Variants in MED28 observed in about 807,000 individuals in gnomAD.
MED28 encodes the protein mediator complex subunit 28.
In MED28, 26 loss-of-function variants were observed where a neutral mutation model predicts 21.3. The ratio of observed to expected loss-of-function variants is 1.22; its 90% CI spans 0.89 to 1.69. The LOEUF (loss-of-function observed/expected upper bound fraction) is 1.69. Among genes scored for constraint, MED28 ranks in the 40% most tolerant of loss-of-function variants. The probability of loss-of-function intolerance (pLI) is 0.00; values close to 1 mark genes in which losing one functional copy is unlikely to be tolerated. For synonymous variants in MED28, 110 were observed against 87.6 expected (o/e 1.26, Z -1.43); for missense variants, 257 against 215.4 (o/e 1.19, Z -1.21).
chr4:17,632,693 A>G lies in MED28; in HGVS notation c.*8895A>G, dbSNP rs1180836788. 3.9e-6 allele frequency: 4 copies of G among 1,033,486 alleles called. No individual in the cohort carries two copies. Among genetic ancestry groups the G allele is most frequent in the Admixed American group, 4.7e-5 (2 of 42,334 alleles). 64.0% of individuals were successfully genotyped at this position (1,033,486 alleles called of 1,614,324 possible). A position where few individuals can be genotyped will look rare whatever the true frequency, so the allele number is the denominator to read the frequency against. Reference sequence around the variant, plus strand: ...TGCAAGAAGCAGCTTAATACCCACCATCTTTTCAGGGAAAGATAACTGCTT... The same window carrying G: ...TGCAAGAAGCAGCTTAATACCCACCGTCTTTTCAGGGAAAGATAACTGCTT... On this transcript the variant is annotated 3_prime_UTR_variant, in exon 4 of 4. Coordinates refer to ENST00000237380, the MANE Select transcript of MED28 (RefSeq NM_025205.5).
Position 17,632,702 on chromosome 4 carries a change from G to T in MED28, c.*8904G>T. ...CAGCTTAATACCCACCATCTTTTCAGGGAAAGATAACTGCTTGTTTACTCT... is the reference window on the plus strand; with the variant it reads ...CAGCTTAATACCCACCATCTTTTCATGGAAAGATAACTGCTTGTTTACTCT... On this transcript the variant is annotated 3_prime_UTR_variant, in exon 4 of 4. Transcript: ENST00000237380. The T allele has an allele frequency of 1.0e-6, 1 of 970,422 alleles. No individual in the cohort carries two copies. Among genetic ancestry groups the T allele is most frequent in the Non-Finnish European group, 1.6e-6 (1 of 638,868 alleles). The allele number at this position is 970,422 out of a possible 1,614,324, so 60.1% of individuals were successfully genotyped here.
In MED28 at chr4:17,633,885, TTTTCTGTTTG is replaced by T. The variant is rs1250039418; in HGVS notation, c.*10089_*10098del. On this transcript the variant is annotated 3_prime_UTR_variant, in exon 4 of 4. Coordinates refer to ENST00000237380, the MANE Select transcript of MED28 (RefSeq NM_025205.5). ...CGGCTGGGCACGTCCTCCACCTTCT[TTTTCTGTTTG>T]TATTAATGGACAGGTTAGTGCAATG... 6 of 1,546,278 alleles carry T rather than the reference TTTTCTGTTTG, an allele frequency of 3.9e-6. No homozygotes were observed. Among genetic ancestry groups the T allele is most frequent in the African/African-American group, 2.7e-5 (2 of 72,796 alleles).
At chr4:17,621,780 A>G (rs1391039433) in intron 3 of MED28, 81 bp downstream of exon 3, 1 of 937,728 alleles carries the variant, frequency 1.1e-6, no homozygotes, top group Non-Finnish European at 1.7e-6. Flanking sequence ...AATGAGATGT[A>G]ACCGTTTCCT....
intron 1 of MED28, 26 bp downstream of exon 1, chr4:17,614,839 T>G (rs1183712971): frequency 6.4e-7 from 1 of 1,558,668 alleles, no homozygotes; most frequent in Non-Finnish European, 8.7e-7. Flanking sequence ...GGCGTCTTTG[T>G]CCCTAGCCTT....
chr4:17,618,408 AC>A (rs1714521757), intron 1 of MED28, among the ~76,000 whole-genome samples: 1 of 152,080 alleles, frequency 6.6e-6, no homozygotes, highest in South Asian at 2.1e-4. Context: ...AGCTGGCCCA[AC>A]TTTTTTGGCC....
rs1001772772 is a variant in MED28 at position 17,630,904 on chromosome 4, G to T, written c.*7106G>T. On this transcript the variant is annotated 3_prime_UTR_variant, in exon 4 of 4. Transcript: ENST00000237380. ...ACAAGTCAACCATTTTTATTGCCCA[G>T]TTATTCAAAGTTTTATTCAAAGAGC... 25 of 152,058 alleles carry T rather than the reference G, an allele frequency of 1.6e-4. No individual in the cohort carries two copies. The highest frequency in any genetic ancestry group is 6.0e-4 in the African/African-American group (25 of 41,380). 9.4% of individuals were successfully genotyped at this position (152,058 alleles called of 1,614,324 possible).
rs1410124314 is a variant in MED28 at position 17,633,928 on chromosome 4, AAAAAC to A, written c.*10135_*10139del. ...GGACAGGTTAGTGCAATGCAATGCA[AAAAAC>A]AAAATAAAGCATTATTGTAAAAGCA... On this transcript the variant is annotated 3_prime_UTR_variant, in exon 4 of 4. Transcript: ENST00000237380. 1 of 1,310,062 alleles carries A rather than the reference AAAAAC, an allele frequency of 7.6e-7. No individual in the cohort carries two copies. Among genetic ancestry groups the A allele is most frequent in the Non-Finnish European group, 9.9e-7 (1 of 1,011,728 alleles). 81.2% of individuals were successfully genotyped at this position (1,310,062 alleles called of 1,614,324 possible).
Position 17,633,211 on chromosome 4 carries a change from C to G in MED28, c.*9413C>G, listed in dbSNP as rs1277326688. ...TGCTGGGATTACAGGCGTGAGCCAC[C>G]AAGCCCGGCCCGATTAAGAGACTTT... On this transcript the variant is annotated 3_prime_UTR_variant, in exon 4 of 4. Coordinates refer to ENST00000237380, the MANE Select transcript of MED28 (RefSeq NM_025205.5). The G allele has an allele frequency of 6.5e-6, 1 of 154,228 alleles. No individual in the cohort carries two copies. Among genetic ancestry groups the G allele is most frequent in the Non-Finnish European group, 1.4e-5 (1 of 69,446 alleles). 9.6% of individuals were successfully genotyped at this position (154,228 alleles called of 1,614,324 possible). A position where few individuals can be genotyped will look rare whatever the true frequency, so the allele number is the denominator to read the frequency against.
chr4:17,622,938 G>GC (rs1353336779), intron 3 of MED28, among the ~76,000 whole-genome samples: 2 of 152,126 alleles, frequency 1.3e-5, no homozygotes, highest in African/African-American at 2.4e-5. Context: ...GGAAAGACTT[G>GC]CCCCCGTGAT....
At position 17,624,020 on chromosome 4, in the gene MED28, T is replaced by G. The variant is rs572390141; in HGVS notation, c.*222T>G. ...CTTGGATAAACCAAGTAAGTATTTTTTTTTTGTCTTTAGCAAAGTTTAGAC... is the reference window on the plus strand; with the variant it reads ...CTTGGATAAACCAAGTAAGTATTTTGTTTTTGTCTTTAGCAAAGTTTAGAC... On this transcript the variant is annotated 3_prime_UTR_variant, in exon 4 of 4. Transcript: ENST00000237380. 8.9e-6 allele frequency: 5 copies of G among 559,196 alleles called. No homozygotes were observed. In the South Asian group the frequency reaches 1.2e-4, roughly 13 times the overall value. 34.6% of individuals were successfully genotyped at this position (559,196 alleles called of 1,614,324 possible). A position where few individuals can be genotyped will look rare whatever the true frequency, so the allele number is the denominator to read the frequency against.
chr4:17,625,266 A>G lies in MED28; in HGVS notation c.*1468A>G, dbSNP rs903766510. 1.3e-5 allele frequency: 2 copies of G among 158,066 alleles called. No individual in the cohort carries two copies. The highest frequency in any genetic ancestry group is 4.8e-5 in the African/African-American group (2 of 41,494). 9.8% of individuals were successfully genotyped at this position (158,066 alleles called of 1,614,324 possible). ...TCCTTAAATATATAAGGACCATATA[A>G]TCTGTATCTTTTTGGTGTGTGTATA... On this transcript the variant is annotated 3_prime_UTR_variant, in exon 4 of 4. Transcript: ENST00000237380.
rs746656665 is a variant in MED28, at chr4:17,632,642, GTTT to G, written c.*8849_*8851del. On this transcript the variant is annotated 3_prime_UTR_variant, in exon 4 of 4. Transcript: ENST00000237380. ...TCTGGGGTCCTAAAAGCAAAAAAAG[GTTT>G]TTTTATATGGTTTTGAAAACTATGC... 1.7e-5 allele frequency: 18 copies of G among 1,055,972 alleles called. No individual in the cohort carries two copies. Among genetic ancestry groups the G allele is most frequent in the Non-Finnish European group, 2.4e-5 (17 of 719,484 alleles). 65.4% of individuals were successfully genotyped at this position (1,055,972 alleles called of 1,614,324 possible).
rs1218099426 is a variant in MED28, at chr4:17,624,358, A to G, written c.*560A>G. The G allele has an allele frequency of 1.3e-5, 2 of 157,790 alleles. No homozygotes were observed. Among genetic ancestry groups the G allele is most frequent in the African/African-American group, 4.8e-5 (2 of 41,478 alleles). The allele number at this position is 157,790 out of a possible 1,614,324, so 9.8% of individuals were successfully genotyped here. ...GATTTTTTTGTAAATAGGTCAGAAG[A>G]CGATGGAACTGTCCTGGGTTAGTAT... On this transcript the variant is annotated 3_prime_UTR_variant, in exon 4 of 4. Transcript: ENST00000237380.
At position 17,623,937 on chromosome 4, in the gene MED28, A is replaced by T; in HGVS notation, c.*139A>T. ...TTTAGTTTTATGCTCCCATTGAAAA[A>T]TTTTCCACTATTTTTATAAGCTGTT... On this transcript the variant is annotated 3_prime_UTR_variant, in exon 4 of 4. Transcript: ENST00000237380. 1 of 877,650 alleles carries T rather than the reference A, an allele frequency of 1.1e-6. No individual in the cohort carries two copies. The highest frequency in any genetic ancestry group is 1.7e-6 in the Non-Finnish European group (1 of 575,448). The allele number at this position is 877,650 out of a possible 1,614,324, so 54.4% of individuals were successfully genotyped here. A position where few individuals can be genotyped will look rare whatever the true frequency, so the allele number is the denominator to read the frequency against.
intron 1 of MED28, among the ~76,000 whole-genome samples, chr4:17,619,508 G>GGGCACA (rs1714555112): frequency 6.6e-6 from 1 of 152,144 alleles, no homozygotes; most frequent in Admixed American, 6.6e-5. Context: ...GTTTAGAAAG[G>GGGCACA]GTAGACCGGC....
At chr4:17,618,008 C>CT (rs1714502662) in intron 1 of MED28, among the ~76,000 whole-genome samples, 3 of 106,576 alleles carry the variant, frequency 2.8e-5, no homozygotes, top group African/African-American at 6.7e-5. Flanking sequence ...TTTTTCTTTT[C>CT]TTTTCTTTTT....
At position 17,623,758 on chromosome 4, in the gene MED28, A is replaced by G; in HGVS notation, c.497A>G (p.Gln166Arg). ...CAGGGCTCCTTGGCCTACCTGGAGC[A>G]GGCATCTGCCAACATCCCTGCACCT... is the stretch of plus-strand genomic sequence containing the variant. ...IPQGSLAYLE[Q>R]ASANIPAPLK... Residue 166 changes from glutamine (Q) to arginine (R), a missense_variant, in exon 4 of 4, where the codon CAG (glutamine) becomes CGG (arginine). Physicochemically the swap from Gln to Arg is conservative, Grantham distance 43 (BLOSUM62 1). Coordinates refer to ENST00000237380, the MANE Select transcript of MED28 (RefSeq NM_025205.5). The G allele has an allele frequency of 1.2e-6, 2 of 1,614,236 alleles. No individual in the cohort carries two copies. Among genetic ancestry groups the G allele is most frequent in the Non-Finnish European group, 1.7e-6 (2 of 1,180,024 alleles).
rs1222377671 is a variant in MED28, at chr4:17,624,554, CTGTT to C, written c.*758_*761del. The C allele has an allele frequency of 6.6e-6, 1 of 151,384 alleles. No individual in the cohort carries two copies. Among genetic ancestry groups the C allele is most frequent in the Non-Finnish European group, 1.5e-5 (1 of 67,732 alleles). The allele number at this position is 151,384 out of a possible 1,614,324, so 9.4% of individuals were successfully genotyped here. A position where few individuals can be genotyped will look rare whatever the true frequency, so the allele number is the denominator to read the frequency against. ...ATGAATCTGTTTAATGGGTCAGTCA[CTGTT>C]TTCAGTAGCATGACAGTGGGGTCAT... On this transcript the variant is annotated 3_prime_UTR_variant, in exon 4 of 4. Transcript: ENST00000237380.
chr4:17,630,276 C>A lies in MED28; in HGVS notation c.*6478C>A, dbSNP rs1386547834. ...ACTGCTATGTCCTGAATGTTGATGT[C>A]CCTTCCAAAATTCATATGTTGGAAC... On this transcript the variant is annotated 3_prime_UTR_variant, in exon 4 of 4. Coordinates refer to ENST00000237380, the MANE Select transcript of MED28 (RefSeq NM_025205.5). 1 of 152,116 alleles carries A rather than the reference C, an allele frequency of 6.6e-6. No individual in the cohort carries two copies. The highest frequency in any genetic ancestry group is 1.5e-5 in the Non-Finnish European group (1 of 68,008). The allele number at this position is 152,116 out of a possible 1,614,324, so 9.4% of individuals were successfully genotyped here.
Sources: gnomAD v4.1 joint callset for allele counts (sites outside exome capture counted in the v4.1 genomes callset) on GRCh38, gnomAD v4.1.1 for gene constraint, MANE v1.5 for transcripts, NCBI Gene and HGNC (gene_info 2026-07-23, HGNC 2026-07-21) for gene names.